NPAS3: variants seen among roughly 807,000 people sequenced by gnomAD.
NPAS3 encodes neuronal PAS domain protein 3.
NPAS3 carries 14 observed loss-of-function variants against 73.1 expected under a neutral mutation model. The observed-to-expected ratio is 0.19, with a 90% CI of 0.13 to 0.30. The LOEUF (loss-of-function observed/expected upper bound fraction) is 0.30. Ranked by LOEUF, NPAS3 falls within the 10% of genes least tolerant of loss-of-function variation. NPAS3 has a pLI of 1.00. For missense variants in NPAS3, 1,096 were observed against 1,250.0 expected (o/e 0.88, Z 1.86); for synonymous variants, 620 against 541.5 (o/e 1.14, Z -2.01).
At chr14:33,471,558 C>G (rs1020569441) in intron 4 of NPAS3, among the ~76,000 whole-genome samples, 1 of 152,076 alleles carries the variant, frequency 6.6e-6, no homozygotes, top group Non-Finnish European at 1.5e-5. Context: ...AGGAGATGGA[C>G]TAGATAAGTT....
intron 4 of NPAS3, among the ~76,000 whole-genome samples, chr14:33,546,755 T>G (rs2139672510): frequency 6.6e-6 from 1 of 152,338 alleles, no homozygotes; most frequent in South Asian, 2.1e-4. Context: ...GATACGTTAC[T>G]TGCACCTTGC....
intron 4 of NPAS3, among the ~76,000 whole-genome samples, chr14:33,427,430 CAGAA>C (rs1233600144): frequency 6.6e-6 from 1 of 151,654 alleles, no homozygotes; most frequent in Non-Finnish European, 1.5e-5. Context: ...ATTCCACAAC[CAGAA>C]AGGCATTACT....
At chr14:33,336,872 T>C (rs1181566428) in intron 3 of NPAS3, among the ~76,000 whole-genome samples, 2 of 53,996 alleles carry the variant, frequency 3.7e-5, no homozygotes, top group African/African-American at 4.3e-4. Flanking sequence ...TTAGCCTTCC[T>C]TATATCTTCT....
At chr14:33,406,506 G>A (rs2047674417) in intron 4 of NPAS3, among the ~76,000 whole-genome samples, 1 of 152,056 alleles carries the variant, frequency 6.6e-6, no homozygotes, top group South Asian at 2.1e-4. Context: ...TGTCTCTCAG[G>A]GGCATCTAAC....
Position 33,373,958 on chromosome 14 carries a change from A to G in NPAS3, c.468+6690A>G, listed in dbSNP as rs549984714. ...TGGTCTTCCTCAACATAAGTGGGGG[A>G]ATGATTGTTTTTGCAAGGATCATTT... is the stretch of plus-strand genomic sequence containing the variant. On this transcript the variant is annotated intron_variant, in intron 4 of 11. Coordinates refer to ENST00000356141, the Ensembl canonical transcript of NPAS3. Among the ~76,000 whole-genome samples the G allele has an allele frequency of 9.9e-5, 15 of 152,136 alleles. No individual in the cohort carries two copies. In the South Asian group the frequency reaches 3.1e-3, roughly 32 times the overall value.
intron 2 of NPAS3, among the ~76,000 whole-genome samples, chr14:33,120,921 G>A (rs192291654): frequency 5.3e-5 from 8 of 152,138 alleles, no homozygotes; most frequent in Admixed American, 1.3e-4. Context: ...ATTCACATGC[G>A]CAAACTCTAG....
intron 7 of NPAS3, among the ~76,000 whole-genome samples, chr14:33,746,934 C>T (rs1184940833): frequency 6.7e-6 from 1 of 149,574 alleles, no homozygotes; most frequent in Non-Finnish European, 1.5e-5. Flanking sequence ...GTGATATTCC[C>T]CTTCCTGTGT....
intron 1 of NPAS3, among the ~76,000 whole-genome samples, chr14:33,029,111 G>A (rs1011365606): frequency 6.6e-6 from 1 of 152,162 alleles, no homozygotes; most frequent in African/African-American, 2.4e-5. Context: ...CTGGAGTGGG[G>A]GAAGAACAGG....
At chr14:33,478,678 A>G (rs1470697987) in intron 4 of NPAS3, among the ~76,000 whole-genome samples, 2 of 152,212 alleles carry the variant, frequency 1.3e-5, no homozygotes, top group African/African-American at 4.8e-5. Flanking sequence ...TTTGGGCAAA[A>G]CAGGGACTAC....
At chr14:33,679,477 T>TAAAA (rs1273493725) in intron 6 of NPAS3, among the ~76,000 whole-genome samples, 1 of 151,220 alleles carries the variant, frequency 6.6e-6, no homozygotes, top group Non-Finnish European at 1.5e-5. Flanking sequence ...TAATTCTTAA[T>TAAAA]AACTAACATG....
intron 10 of NPAS3, among the ~76,000 whole-genome samples, chr14:33,796,675 A>G (rs980627344): frequency 4.9e-4 from 75 of 152,312 alleles, no homozygotes; most frequent in African/African-American, 1.7e-3. Flanking sequence ...GTGGCCTTGG[A>G]GTGGCATTTC....
At chr14:33,427,722 T>A (rs73262755) in intron 4 of NPAS3, among the ~76,000 whole-genome samples, 4,491 of 152,168 alleles carry the variant, frequency 0.03, 224 homozygotes, top group African/African-American at 0.1. Context: ...TTTTGCTGAT[T>A]TATTCATAGC....
At chr14:33,165,438 T>C (rs1410191954) in intron 2 of NPAS3, among the ~76,000 whole-genome samples, 2 of 152,036 alleles carry the variant, frequency 1.3e-5, no homozygotes, top group Non-Finnish European at 2.9e-5. Context: ...GTTCCAATGC[T>C]TACAGAGCAG....
intron 6 of NPAS3, among the ~76,000 whole-genome samples, chr14:33,714,095 C>T (rs542924557): frequency 1.3e-5 from 2 of 152,198 alleles, no homozygotes; most frequent in East Asian, 3.9e-4. Context: ...ACAACTCTCA[C>T]CTGCACATTG....
intron 1 of NPAS3, among the ~76,000 whole-genome samples, chr14:33,027,791 T>C (rs2039858802): frequency 6.6e-6 from 1 of 152,124 alleles, no homozygotes; most frequent in Non-Finnish European, 1.5e-5. Flanking sequence ...ATATACATAT[T>C]TTTAACAGTA....
chr14:33,141,644 A>G (rs969918431), intron 2 of NPAS3, among the ~76,000 whole-genome samples: 1 of 152,200 alleles, frequency 6.6e-6, no homozygotes, highest in Non-Finnish European at 1.5e-5. Context: ...AGAGTATACA[A>G]TACATATATG....
intron 4 of NPAS3, among the ~76,000 whole-genome samples, chr14:33,544,825 A>ATATATAAT: frequency 0.015 from 1,659 of 111,978 alleles, 145 homozygotes; most frequent in Non-Finnish European, 0.02. Flanking sequence ...TATATAATAT[A>ATATATAAT]TATGTGTATA....
At chr14:33,322,156 T>C (rs2043477465) in intron 3 of NPAS3, among the ~76,000 whole-genome samples, 1 of 152,204 alleles carries the variant, frequency 6.6e-6, no homozygotes, top group African/African-American at 2.4e-5. Flanking sequence ...TAAAGGTTTA[T>C]TGATCAAATT....
intron 2 of NPAS3, among the ~76,000 whole-genome samples, chr14:33,158,636 C>G (rs1283506229): frequency 6.6e-6 from 1 of 152,030 alleles, no homozygotes; most frequent in Non-Finnish European, 1.5e-5. Flanking sequence ...GAAGATAAGA[C>G]AGCAGAGGTT....
Sources: allele counts gnomAD v4.1 joint callset (sites outside exome capture counted in the v4.1 genomes callset), GRCh38; gene constraint gnomAD v4.1.1; transcripts MANE v1.5; gene names NCBI Gene and HGNC (gene_info 2026-07-23, HGNC 2026-07-21).